LRRC4C: variants seen among roughly 807,000 people sequenced by gnomAD.
The protein encoded by LRRC4C is leucine rich repeat containing 4C.
In LRRC4C, 5 loss-of-function variants were observed where a neutral mutation model predicts 33.6. That is an observed-to-expected ratio of 0.15 (90% CI 0.08 to 0.31). The LOEUF (loss-of-function observed/expected upper bound fraction) is 0.31. Ranked by LOEUF, LRRC4C falls within the 10% of genes least tolerant of loss-of-function variation. The pLI is 1.00. For synonymous variants in LRRC4C, 329 were observed against 302.0 expected (o/e 1.09, Z -0.93); for missense variants, 560 against 796.7 (o/e 0.70, Z 3.58).
At chr11:40,587,493 C>A (rs1420047581) in intron 3 of LRRC4C, among the ~76,000 whole-genome samples, 1 of 142,260 alleles carries the variant, frequency 7.0e-6, no homozygotes, top group African/African-American at 2.7e-5. Flanking sequence ...ATTGCCCTGG[C>A]CAGAACTTCC....
chr11:40,242,346 A>G (rs2136103503), intron 4 of LRRC4C, among the ~76,000 whole-genome samples: 1 of 152,248 alleles, frequency 6.6e-6, no homozygotes, highest in Non-Finnish European at 1.5e-5. Flanking sequence ...CTTGTATGGG[A>G]CAGTATCTTT....
At chr11:40,910,651 C>T (rs1383405392) in intron 2 of LRRC4C, among the ~76,000 whole-genome samples, 2 of 152,150 alleles carry the variant, frequency 1.3e-5, no homozygotes, top group Admixed American at 6.5e-5. Context: ...TCTGCATTTC[C>T]AACTGAGGTA....
chr11:41,317,379 C>T (rs1202370635), intron 1 of LRRC4C, among the ~76,000 whole-genome samples: 1 of 151,958 alleles, frequency 6.6e-6, no homozygotes, highest in Non-Finnish European at 1.5e-5. Flanking sequence ...AGTTTCTTTC[C>T]CTTCTTTTCT....
At chr11:40,825,672 A>G (rs1952130817) in intron 2 of LRRC4C, among the ~76,000 whole-genome samples, 1 of 151,814 alleles carries the variant, frequency 6.6e-6, no homozygotes, top group South Asian at 2.1e-4. Context: ...TCCCACCTTC[A>G]TTTCCTTCAG....
intron 1 of LRRC4C, among the ~76,000 whole-genome samples, chr11:41,037,853 T>G (rs1409271385): frequency 6.6e-6 from 1 of 152,184 alleles, no homozygotes; most frequent in Non-Finnish European, 1.5e-5. Flanking sequence ...ACTAAATAGA[T>G]AATTGGGTCA....
intron 1 of LRRC4C, among the ~76,000 whole-genome samples, chr11:41,326,493 T>G (rs1951122446): frequency 6.6e-6 from 1 of 152,140 alleles, no homozygotes; most frequent in South Asian, 2.1e-4. Context: ...ACATCTATCC[T>G]ATTAGTCTTG....
chr11:40,144,268 T>C (rs1857567442), intron 5 of LRRC4C, among the ~76,000 whole-genome samples: 1 of 152,220 alleles, frequency 6.6e-6, no homozygotes, highest in Non-Finnish European at 1.5e-5. Context: ...CTTTGAATTA[T>C]ATGTATTTTT....
intron 2 of LRRC4C, among the ~76,000 whole-genome samples, chr11:40,650,590 G>A (rs1308648443): frequency 1.3e-5 from 2 of 152,084 alleles, no homozygotes; most frequent in Non-Finnish European, 2.9e-5. Context: ...CAATTAGATT[G>A]TCAAACCCAA....
intron 1 of LRRC4C, among the ~76,000 whole-genome samples, chr11:40,973,487 G>C (rs1270644713): frequency 6.6e-6 from 1 of 152,276 alleles, no homozygotes; most frequent in East Asian, 1.9e-4. Context: ...CTAGTAACTG[G>C]CTCTGGAGCC....
Position 40,984,925 on chromosome 11 carries a change from G to A in LRRC4C, c.-495-51202C>T, listed in dbSNP as rs1299398753. Among the ~76,000 whole-genome samples the A allele has an allele frequency of 2.5e-4, 3 of 11,810 alleles. No individual in the cohort carries two copies. In the East Asian group the frequency reaches 6.3e-3, roughly 25 times the overall value. The allele number at this position is 11,810 out of a possible 152,430, so 7.7% of individuals were successfully genotyped here. On this transcript the variant is annotated intron_variant, in intron 1 of 6. Coordinates refer to ENST00000528697, the MANE Select transcript of LRRC4C (RefSeq NM_001258419.2). ...TTTTTTTTTTTTTTTTTTTTGAGAC[G>A]CAATCTCGCTCTGTCACTCAGGCTG...
rs558049934 is a variant in LRRC4C, at chr11:40,876,027, A to G, written c.-407+57608T>C. On this transcript the variant is annotated intron_variant, in intron 2 of 6. Coordinates refer to ENST00000528697, the MANE Select transcript of LRRC4C (RefSeq NM_001258419.2). Reference sequence around the variant, plus strand: ...GTCACTGTAGAAAATCCTGCTTTATAAAGATAGAATGTTGGAAATGGGAGC... The same window carrying G: ...GTCACTGTAGAAAATCCTGCTTTATGAAGATAGAATGTTGGAAATGGGAGC... 3.3e-5 allele frequency among the ~76,000 whole-genome samples: 5 copies of G among 152,178 alleles called. No individual in the cohort carries two copies. The East Asian group carries it at 9.7e-4, about 29-fold the overall frequency.
At chr11:40,567,163 G>T (rs760111664) in intron 3 of LRRC4C, among the ~76,000 whole-genome samples, 1 of 152,076 alleles carries the variant, frequency 6.6e-6, no homozygotes, top group East Asian at 1.9e-4. Context: ...GGTTAATTTT[G>T]TTGTAATTTT....
intron 3 of LRRC4C, among the ~76,000 whole-genome samples, chr11:40,555,693 G>C (rs1565500921): frequency 6.6e-6 from 1 of 152,094 alleles, no homozygotes; most frequent in Non-Finnish European, 1.5e-5. Context: ...TAGCTGATGA[G>C]CTAAAGAAAA....
intron 2 of LRRC4C, among the ~76,000 whole-genome samples, chr11:40,881,405 A>T (rs767881619): frequency 1.4e-4 from 22 of 152,138 alleles, no homozygotes; most frequent in Non-Finnish European, 2.4e-4. Context: ...TTTTCTTTGC[A>T]AGTTACTTAA....
chr11:40,135,371 T>C (rs1856898057), intron 6 of LRRC4C, among the ~76,000 whole-genome samples: 1 of 152,242 alleles, frequency 6.6e-6, no homozygotes, highest in South Asian at 2.1e-4. Flanking sequence ...TTAGTTACCA[T>C]GGAATCTTGC....
At chr11:40,154,287 C>CAAAAAAAAAAAAAAACAAAAAAAA (rs1858481312) in intron 5 of LRRC4C, among the ~76,000 whole-genome samples, 1 of 114,206 alleles carries the variant, frequency 8.8e-6, no homozygotes, top group Non-Finnish European at 1.9e-5. Context: ...AGCTAAAAAG[C>CAAAAAAAAAAAAAAACAAAAAAAA]AAAAAAAAAA....
At chr11:41,393,040 T>C (rs1262365905) in intron 1 of LRRC4C, among the ~76,000 whole-genome samples, 1 of 151,904 alleles carries the variant, frequency 6.6e-6, no homozygotes, top group Non-Finnish European at 1.5e-5. Flanking sequence ...TCTTCTGGTA[T>C]GATTTTAAAT....
At chr11:40,541,786 T>G (rs144130519) in intron 3 of LRRC4C, among the ~76,000 whole-genome samples, 3 of 152,286 alleles carry the variant, frequency 2.0e-5, no homozygotes, top group Admixed American at 2.0e-4. Flanking sequence ...ATGTTTTCCC[T>G]TTGATAGCTG....
intron 1 of LRRC4C, among the ~76,000 whole-genome samples, chr11:41,350,036 C>A (rs1010576178): frequency 2.0e-5 from 3 of 152,148 alleles, no homozygotes; most frequent in Admixed American, 6.5e-5. Context: ...TGCAGTATCA[C>A]ATGTCATAAG....
Sources: gnomAD v4.1 joint callset for allele counts (sites outside exome capture counted in the v4.1 genomes callset) on GRCh38, gnomAD v4.1.1 for gene constraint, MANE v1.5 for transcripts, NCBI Gene and HGNC (gene_info 2026-07-23, HGNC 2026-07-21) for gene names.